MVB12B: variants seen among roughly 807,000 people sequenced by gnomAD.
MVB12B encodes the protein ESCRT-I complex subunit MVB12B.
Under a neutral mutation model 41.6 loss-of-function variants are expected in MVB12B, and 16 were observed. That is an observed-to-expected ratio of 0.38 (90% CI 0.26 to 0.58). The LOEUF is 0.58. MVB12B is among the 20% of genes least tolerant of loss of function. The probability of loss-of-function intolerance (pLI) is 0.62; values close to 1 mark genes in which losing one functional copy is unlikely to be tolerated. For missense variants in MVB12B, 274 were observed against 380.2 expected, an observed-to-expected ratio of 0.72 and a Z score of 2.32; for synonymous variants, 133 against 139.7, an observed-to-expected ratio of 0.95 and a Z score of 0.34.
intron 7 of MVB12B, among the ~76,000 whole-genome samples, chr9:126,452,406 G>A (rs942720760): frequency 5.3e-5 from 8 of 152,218 alleles, no homozygotes; most frequent in African/African-American, 1.7e-4. Context: ...CTCAGCTCCA[G>A]ACGTGTGCAG....
chr9:126,454,389 G>C (rs1003526108), intron 7 of MVB12B, among the ~76,000 whole-genome samples: 3 of 152,196 alleles, frequency 2.0e-5, no homozygotes, highest in Non-Finnish European at 2.9e-5. Flanking sequence ...TGTTCAGCTA[G>C]AGCCTAGTGG....
chr9:126,348,540 A>G (rs1236687684), intron 2 of MVB12B, among the ~76,000 whole-genome samples: 1 of 152,244 alleles, frequency 6.6e-6, no homozygotes, highest in Non-Finnish European at 1.5e-5. Context: ...GTTTTGACCC[A>G]AAGTTCCCGC....
chr9:126,465,631 G>A (rs1424269290), intron 7 of MVB12B, among the ~76,000 whole-genome samples: 3 of 135,836 alleles, frequency 2.2e-5, no homozygotes, highest in Non-Finnish European at 4.7e-5. Flanking sequence ...CTATCATGGA[G>A]CTTACCCTTT....
At chr9:126,371,610 A>G (rs1161632553) in intron 2 of MVB12B, among the ~76,000 whole-genome samples, 3 of 152,226 alleles carry the variant, frequency 2.0e-5, no homozygotes, top group African/African-American at 4.8e-5. Context: ...TATCTTGTGT[A>G]GTCCTAGATG....
In MVB12B at chr9:126,384,041, C is replaced by T. The variant is rs557815257; in HGVS notation, c.313-2521C>T. ...TCCATCTGCGGGGCAGGAAAACATG[C>T]CTAGTTGTTAATTTCTCAATGCAGA... is the stretch of plus-strand genomic sequence containing the variant. On this transcript the variant is annotated intron_variant, in intron 3 of 9. Transcript: ENST00000361171. Among the ~76,000 whole-genome samples, 40 of 151,760 alleles carry T rather than the reference C, an allele frequency of 2.6e-4. No individual in the cohort carries two copies. In the South Asian group the frequency reaches 8.4e-3, roughly 32 times the overall value.
At chr9:126,410,252 T>C (rs549074923) in intron 6 of MVB12B, among the ~76,000 whole-genome samples, 1 of 152,102 alleles carries the variant, frequency 6.6e-6, no homozygotes, top group Non-Finnish European at 1.5e-5. Context: ...CCTGGTAGGT[T>C]GGAGTTGCAT....
intron 7 of MVB12B, among the ~76,000 whole-genome samples, chr9:126,467,697 G>A (rs1833226640): frequency 6.6e-6 from 1 of 152,166 alleles, no homozygotes; most frequent in South Asian, 2.1e-4. Context: ...TGCTCAAATG[G>A]ATTCATATTT....
chr9:126,448,727 C>A (rs1201731081), intron 7 of MVB12B, among the ~76,000 whole-genome samples: 3 of 152,224 alleles, frequency 2.0e-5, no homozygotes, highest in African/African-American at 7.2e-5. Flanking sequence ...ACAACCAGAT[C>A]TCGGTGAATT....
intron 2 of MVB12B, among the ~76,000 whole-genome samples, chr9:126,353,491 G>A (rs573634462): frequency 6.6e-6 from 1 of 152,276 alleles, no homozygotes; most frequent in East Asian, 1.9e-4. Context: ...CAGTTGTCTT[G>A]TCTCAAAAGT....
At chr9:126,430,287 T>A (rs1415526959) in intron 7 of MVB12B, among the ~76,000 whole-genome samples, 1 of 152,144 alleles carries the variant, frequency 6.6e-6, no homozygotes, top group African/African-American at 2.4e-5. Flanking sequence ...GCCCCACCCG[T>A]GTCCCACCAG....
chr9:126,384,710 T>C lies in MVB12B; in HGVS notation c.313-1852T>C, dbSNP rs145796974. Among the ~76,000 whole-genome samples, 371 of 151,602 alleles carry C rather than the reference T, an allele frequency of 2.4e-3. 1 individual carries two copies. The highest frequency in any genetic ancestry group is 8.6e-3 in the African/African-American group (357 of 41,274). On this transcript the variant is annotated intron_variant, in intron 3 of 9. Transcript: ENST00000361171. ...CACCCAGCTAATTTTTGTATTTTTTTTAAGTAGAGACAGGGTTTCACCATG... is the reference window on the plus strand; with the variant it reads ...CACCCAGCTAATTTTTGTATTTTTTCTAAGTAGAGACAGGGTTTCACCATG...
Position 126,381,173 on chromosome 9 carries a change from T to C in MVB12B, c.312+2T>C. On this transcript the variant is annotated splice_donor_variant, in intron 3 of 9. Transcript: ENST00000361171. LOFTEE classifies it high-confidence loss of function. Reference sequence around the variant, plus strand: ...ACAAGATCATTTTCCAAAGAAAATGTAAGTCTAGTCGTAGTTTCCATTTGC... The same window carrying C: ...ACAAGATCATTTTCCAAAGAAAATGCAAGTCTAGTCGTAGTTTCCATTTGC... 1 of 1,598,724 alleles carries C rather than the reference T, an allele frequency of 6.3e-7. No homozygotes were observed. Among genetic ancestry groups the C allele is most frequent in the Non-Finnish European group, 8.6e-7 (1 of 1,166,378 alleles).
intron 9 of MVB12B, among the ~76,000 whole-genome samples, chr9:126,491,062 T>G (rs1479734334): frequency 1.3e-5 from 2 of 152,232 alleles, no homozygotes; most frequent in Non-Finnish European, 2.9e-5. Context: ...CTGACATCTT[T>G]ATGTGTTTGT....
At chr9:126,368,748 T>C (rs1336189732) in intron 2 of MVB12B, among the ~76,000 whole-genome samples, 1 of 152,218 alleles carries the variant, frequency 6.6e-6, no homozygotes, top group Non-Finnish European at 1.5e-5. Context: ...TAGAAGAATA[T>C]CTTTTATCTA....
At position 126,385,606 on chromosome 9, in the gene MVB12B, A is replaced by G. The variant is rs1164641266; in HGVS notation, c.313-956A>G. 2.0e-5 allele frequency among the ~76,000 whole-genome samples: 3 copies of G among 152,230 alleles called. No homozygotes were observed. The East Asian group carries it at 5.8e-4, about 29-fold the overall frequency. On this transcript the variant is annotated intron_variant, in intron 3 of 9. Coordinates refer to ENST00000361171, the MANE Select transcript of MVB12B (RefSeq NM_033446.3). ...ACAAGTAAACAGAGAGCATGTTCACACTGGGCTTCGGGGATGAGGCACTTC... is the reference window on the plus strand; with the variant it reads ...ACAAGTAAACAGAGAGCATGTTCACGCTGGGCTTCGGGGATGAGGCACTTC...
rs1829193373 is a variant in MVB12B at position 126,333,628 on chromosome 9, T to G, written c.81+6618T>G. On this transcript the variant is annotated intron_variant, in intron 1 of 9. Coordinates refer to ENST00000361171, the MANE Select transcript of MVB12B (RefSeq NM_033446.3). The surrounding 1 kb of genome is among the most constrained non-coding windows in gnomAD (Gnocchi z 4.7). ...CATGTTGGCCAGGCTGGTCTCAAACTCCTGACCTCAAGTGATCTGCCCACC... is the reference window on the plus strand; with the variant it reads ...CATGTTGGCCAGGCTGGTCTCAAACGCCTGACCTCAAGTGATCTGCCCACC... 6.6e-6 allele frequency among the ~76,000 whole-genome samples: 1 copy of G among 152,066 alleles called. No homozygotes were observed. Among genetic ancestry groups the G allele is most frequent in the Middle Eastern group, 3.2e-3 (1 of 316 alleles).
chr9:126,342,346 T>G (rs1345465184), intron 2 of MVB12B, among the ~76,000 whole-genome samples: 1 of 152,184 alleles, frequency 6.6e-6, no homozygotes, highest in Non-Finnish European at 1.5e-5. Flanking sequence ...CGTTTGTACC[T>G]TTAGGGTCAT....
chr9:126,433,555 C>T (rs544352688), intron 7 of MVB12B, among the ~76,000 whole-genome samples: 55 of 152,176 alleles, frequency 3.6e-4, no homozygotes, highest in African/African-American at 1.2e-3. Context: ...TCTCCTGTTC[C>T]GTGAGTCCCT....
chr9:126,431,907 G>A (rs981059269), intron 7 of MVB12B, among the ~76,000 whole-genome samples: 5 of 152,138 alleles, frequency 3.3e-5, no homozygotes, highest in African/African-American at 1.2e-4. Context: ...CATTCTTATG[G>A]GACGCTTCCT....
Sources: allele counts gnomAD v4.1 joint callset (sites outside exome capture counted in the v4.1 genomes callset), GRCh38; gene constraint gnomAD v4.1.1; non-coding constraint Gnocchi (gnomAD v3.1); transcripts MANE v1.5; gene names NCBI Gene and HGNC (gene_info 2026-07-23, HGNC 2026-07-21).